Variants in FAM135B observed in about 807,000 individuals in gnomAD.
FAM135B encodes the protein family with sequence similarity 135 member B, also known as protein FAM135B.
FAM135B carries 43 observed loss-of-function variants against 127.7 expected under a neutral mutation model. The observed-to-expected ratio is 0.34, with a 90% confidence interval of 0.26 to 0.43. FAM135B has a LOEUF of 0.43. FAM135B is among the 20% of genes least tolerant of loss of function. The probability of loss-of-function intolerance (pLI) is 1.00; values close to 1 mark genes in which losing one functional copy is unlikely to be tolerated. For synonymous variants in FAM135B, 670 were observed against 665.1 expected (o/e 1.01, Z -0.11); for missense variants, 1,558 against 1,725.6 (o/e 0.90, Z 1.72).
chr8:138,178,043 G>C (rs915975375), intron 10 of FAM135B, among the ~76,000 whole-genome samples: 1 of 152,058 alleles, frequency 6.6e-6, no homozygotes, highest in Non-Finnish European at 1.5e-5. Context: ...TCAGGAGTTC[G>C]AGACCAGTCT....
At chr8:138,305,747 C>T (rs1178898642) in intron 3 of FAM135B, among the ~76,000 whole-genome samples, 1 of 152,110 alleles carries the variant, frequency 6.6e-6, no homozygotes, top group Non-Finnish European at 1.5e-5. Context: ...AGATAAATAT[C>T]AGTTTTGATC....
intron 2 of FAM135B, among the ~76,000 whole-genome samples, chr8:138,313,495 C>T (rs1383900119): frequency 6.6e-6 from 1 of 151,270 alleles, no homozygotes; most frequent in Non-Finnish European, 1.5e-5. Flanking sequence ...AGAACATGAA[C>T]CATAAAAGAA....
chr8:138,299,842 C>T (rs926953459), intron 3 of FAM135B, among the ~76,000 whole-genome samples: 2 of 151,748 alleles, frequency 1.3e-5, no homozygotes, highest in African/African-American at 4.8e-5. Flanking sequence ...TTTGAAAACA[C>T]GTGTTGTAGA....
intron 2 of FAM135B, among the ~76,000 whole-genome samples, chr8:138,324,188 T>C (rs1369164458): frequency 6.6e-6 from 1 of 152,210 alleles, no homozygotes; most frequent in Non-Finnish European, 1.5e-5. Flanking sequence ...TTACGAGAGA[T>C]CACATTTAAT....
intron 11 of FAM135B, among the ~76,000 whole-genome samples, chr8:138,171,655 G>A (rs1306298172): frequency 1.3e-5 from 2 of 152,274 alleles, no homozygotes; most frequent in Non-Finnish European, 1.5e-5. Flanking sequence ...TGGTTCAGAC[G>A]GCTGAGGCTG....
At chr8:138,442,649 G>C (rs1251024714) in intron 1 of FAM135B, among the ~76,000 whole-genome samples, 1 of 151,944 alleles carries the variant, frequency 6.6e-6, no homozygotes, top group Non-Finnish European at 1.5e-5. Flanking sequence ...ACATTCTGGA[G>C]AGTAGCCAGG....
chr8:138,226,341 C>A (rs1351445874), intron 7 of FAM135B, among the ~76,000 whole-genome samples: 1 of 151,788 alleles, frequency 6.6e-6, no homozygotes, highest in African/African-American at 2.4e-5. Context: ...TAAACTAAGA[C>A]AAATGCACAA....
At chr8:138,312,354 T>C (rs537214491) in intron 2 of FAM135B, among the ~76,000 whole-genome samples, 2 of 152,230 alleles carry the variant, frequency 1.3e-5, no homozygotes, top group South Asian at 4.1e-4. Flanking sequence ...AAGCTCTAAC[T>C]GTATACAGAA....
intron 15 of FAM135B, among the ~76,000 whole-genome samples, chr8:138,145,027 T>C (rs1366133413): frequency 6.6e-6 from 1 of 152,192 alleles, no homozygotes; most frequent in Admixed American, 6.5e-5. Context: ...TTTTATTTTA[T>C]TTTTTGAGAC....
At chr8:138,287,838 C>A (rs1331587510) in intron 3 of FAM135B, among the ~76,000 whole-genome samples, 2 of 152,176 alleles carry the variant, frequency 1.3e-5, no homozygotes, top group East Asian at 3.9e-4. Flanking sequence ...AGTACAAAAA[C>A]CAAAATCTAC....
chr8:138,180,145 A>AGAGGT (rs2130994706), intron 9 of FAM135B, among the ~76,000 whole-genome samples: 2 of 152,278 alleles, frequency 1.3e-5, no homozygotes, highest in South Asian at 4.2e-4. Context: ...CGAATTCTGG[A>AGAGGT]GAGGTGAGAA....
At chr8:138,304,857 G>C (rs7816981) in intron 3 of FAM135B, among the ~76,000 whole-genome samples, 5,194 of 152,286 alleles carry the variant, frequency 0.034, 182 homozygotes, top group East Asian at 0.15. Flanking sequence ...GCATTTCTGA[G>C]TTGACTGCTG....
rs577988859 is a variant in FAM135B, at chr8:138,298,955, G to A, written c.157+11886C>T. ...GGTGCCTGTAATCCCAGCTACTCGG[G>A]AGGCTGAGGCACAAGAATCACTTGA... On this transcript the variant is annotated intron_variant, in intron 3 of 19. Transcript: ENST00000395297. 2.0e-5 allele frequency among the ~76,000 whole-genome samples: 3 copies of A among 151,950 alleles called. No homozygotes were observed. The South Asian group carries it at 6.2e-4, about 32-fold the overall frequency.
At chr8:138,419,818 T>C (rs1347546502) in intron 1 of FAM135B, among the ~76,000 whole-genome samples, 3 of 152,070 alleles carry the variant, frequency 2.0e-5, no homozygotes, top group Non-Finnish European at 4.4e-5. Context: ...AGATACAACA[T>C]ACCAGAATCT....
chr8:138,226,184 T>TGTGTGTGTGTGTGCGCGCGCGCGC, intron 7 of FAM135B, among the ~76,000 whole-genome samples: 2,198 of 139,140 alleles, frequency 0.016, 39 homozygotes, highest in Admixed American at 0.037. Context: ...TGTGTGTGTG[T>TGTGTGTGTGTGTGCGCGCGCGCGC]GCGCGCATGT....
intron 3 of FAM135B, among the ~76,000 whole-genome samples, chr8:138,292,648 T>C (rs1825198882): frequency 6.6e-6 from 1 of 152,050 alleles, no homozygotes; most frequent in Admixed American, 6.6e-5. Context: ...TGAGTTCATA[T>C]AAAATTCATA....
At chr8:138,166,226 C>G (rs114846268) in intron 12 of FAM135B, among the ~76,000 whole-genome samples, 2,117 of 152,266 alleles carry the variant, frequency 0.014, 40 homozygotes, top group Middle Eastern at 0.051. Flanking sequence ...CAGCACAGAG[C>G]CTGATGTTTT....
chr8:138,167,995 A>G lies in FAM135B; in HGVS notation c.1158T>C (p.Thr386=), dbSNP rs61732535. The G allele has an allele frequency of 4.7e-3, 7,558 of 1,613,850 alleles. 108 individuals are homozygous for G. Among genetic ancestry groups the G allele is most frequent in the Middle Eastern group, 0.04 (244 of 6,062 alleles). Residue 386 remains threonine (T), a synonymous_variant, in exon 12 of 20, where the codon ACT becomes ACC. Coordinates refer to ENST00000395297, the MANE Select transcript of FAM135B (RefSeq NM_015912.4). ...ACTCTGCAGGCAGCGGGGGCATGCTAGTGAGGTACTCCGAGTTCCGGATAT... is the reference window on the plus strand; with the variant it reads ...ACTCTGCAGGCAGCGGGGGCATGCTGGTGAGGTACTCCGAGTTCCGGATAT... ...SLDIRNSEYL[T]SMPPLPAECL...
intron 7 of FAM135B, among the ~76,000 whole-genome samples, chr8:138,206,559 A>C (rs1226645480): frequency 3.3e-5 from 5 of 150,502 alleles, no homozygotes; most frequent in East Asian, 2.0e-4. Flanking sequence ...CATCCCCTCC[A>C]CCTACACACA....
Sources: allele counts gnomAD v4.1 joint callset (sites outside exome capture counted in the v4.1 genomes callset), GRCh38; gene constraint gnomAD v4.1.1; transcripts MANE v1.5; gene names NCBI Gene and HGNC (gene_info 2026-07-23, HGNC 2026-07-21).